Variants in CCDC175 observed in about 807,000 individuals in gnomAD.
CCDC175 encodes the protein coiled-coil domain containing 175.
Under a neutral mutation model 114.6 loss-of-function variants are expected in CCDC175, and 100 were observed. The observed-to-expected ratio is 0.87, with a 90% confidence interval of 0.74 to 1.03. The LOEUF (loss-of-function observed/expected upper bound fraction) is 1.03. CCDC175 is among the 50% of genes least tolerant of loss of function. The probability of loss-of-function intolerance (pLI) is 0.00; values close to 1 mark genes in which losing one functional copy is unlikely to be tolerated. For synonymous variants in CCDC175, 306 were observed against 308.7 expected (o/e 0.99, Z 0.09); for missense variants, 880 against 917.8 (o/e 0.96, Z 0.53).
chr14:59,576,368 C>T (rs74773003), intron 1 of CCDC175, among the ~76,000 whole-genome samples: 2,784 of 152,276 alleles, frequency 0.018, 40 homozygotes, highest in Admixed American at 0.041. Flanking sequence ...CCGGATTTGT[C>T]ACCTCAGTAA....
chr14:59,562,848 T>C lies in CCDC175; in HGVS notation c.843+889A>G, dbSNP rs979699651. Reference sequence around the variant, plus strand: ...CTATAGGCTTAGTGCTTCCTTACTATGTTGAAATTTAAAAACAGATAATAA... The same window carrying C: ...CTATAGGCTTAGTGCTTCCTTACTACGTTGAAATTTAAAAACAGATAATAA... On this transcript the variant is annotated intron_variant, in intron 6 of 19. Transcript: ENST00000537690. 1.1e-4 allele frequency among the ~76,000 whole-genome samples: 17 copies of C among 152,194 alleles called. 1 individual carries two copies. Among genetic ancestry groups the C allele is most frequent in the Non-Finnish European group, 2.5e-4 (17 of 68,030 alleles).
intron 7 of CCDC175, among the ~76,000 whole-genome samples, chr14:59,559,776 C>T (rs1391072301): frequency 6.6e-6 from 1 of 152,074 alleles, no homozygotes; most frequent in Admixed American, 6.6e-5. Flanking sequence ...TCACTTGTAT[C>T]CTCAACCACC....
chr14:59,505,511 C>T (rs1454662429), intron 19 of CCDC175, 196 bp from the exon 20 acceptor site: 11 of 350,440 alleles, frequency 3.1e-5, no homozygotes, highest in Non-Finnish European at 5.6e-5. Flanking sequence ...GCCATTTTTA[C>T]AATCATTTTT....
At chr14:59,542,632 TAGAGA>T (rs1014500864) in intron 10 of CCDC175, among the ~76,000 whole-genome samples, 4 of 152,104 alleles carry the variant, frequency 2.6e-5, no homozygotes, top group Admixed American at 6.6e-5. Flanking sequence ...ACTATGCAGT[TAGAGA>T]AAAGATTGAG....
chr14:59,517,272 C>A (rs1249673892), intron 17 of CCDC175, among the ~76,000 whole-genome samples: 1 of 152,164 alleles, frequency 6.6e-6, no homozygotes, highest in East Asian at 1.9e-4. Flanking sequence ...GACAGGGATG[C>A]CCTCTCTCAC....
At chr14:59,547,407 C>T (rs1118478) in intron 8 of CCDC175, among the ~76,000 whole-genome samples, 78,143 of 151,474 alleles carry the variant, frequency 0.52, 21,343 homozygotes, top group East Asian at 0.82. Flanking sequence ...AGCTGGAACA[C>T]TTTTGAAGAA....
rs200681540 is a variant in CCDC175, at chr14:59,527,123, C to T, written c.1814G>A (p.Arg605Lys). Residue 605 changes from arginine (R) to lysine (K), a missense_variant, in exon 15 of 20, where the codon AGG (arginine) becomes AAG (lysine). Physicochemically the swap from Arg to Lys is conservative, Grantham distance 26 (BLOSUM62 2). Transcript: ENST00000537690. Reference sequence around the variant, plus strand: ...GTTGCTAATGTATCTTGAAAAGTCCCTTGTAAACAGAAAAATGTGATTGTT... The same window carrying T: ...GTTGCTAATGTATCTTGAAAAGTCCTTTGTAAACAGAAAAATGTGATTGTT... The part of the protein sequence containing the change: ...LLNNHIFLFT[R>K]DFSRYISNME... The T allele has an allele frequency of 4.7e-6, 7 of 1,492,216 alleles. No homozygotes were observed. The highest frequency in any genetic ancestry group is 6.2e-6 in the Non-Finnish European group (7 of 1,125,820). The allele number at this position is 1,492,216 out of a possible 1,614,324, so 92.4% of individuals were successfully genotyped here. A position where few individuals can be genotyped will look rare whatever the true frequency, so the allele number is the denominator to read the frequency against.
At chr14:59,537,044 G>C (rs1894444848) in intron 13 of CCDC175, among the ~76,000 whole-genome samples, 1 of 152,200 alleles carries the variant, frequency 6.6e-6, no homozygotes, top group African/African-American at 2.4e-5. Context: ...GCCTCCCAAA[G>C]TGCTGGGATT....
At chr14:59,536,406 A>G (rs1363250035) in intron 13 of CCDC175, among the ~76,000 whole-genome samples, 1 of 151,886 alleles carries the variant, frequency 6.6e-6, no homozygotes. Flanking sequence ...TCTCTATGCC[A>G]TTTATCACCA....
At chr14:59,552,366 G>A (rs1343755803) in intron 7 of CCDC175, among the ~76,000 whole-genome samples, 2 of 152,246 alleles carry the variant, frequency 1.3e-5, no homozygotes, top group Non-Finnish European at 2.9e-5. Flanking sequence ...AGGGTCTGGA[G>A]TGGACCTCCA....
intron 17 of CCDC175, among the ~76,000 whole-genome samples, chr14:59,516,250 T>G (rs200805144): frequency 6.6e-6 from 1 of 151,862 alleles, no homozygotes; most frequent in Non-Finnish European, 1.5e-5. Context: ...ACATCACAAT[T>G]AAAAGAACTA....
intron 13 of CCDC175, among the ~76,000 whole-genome samples, chr14:59,536,764 G>A (rs1473299512): frequency 6.6e-6 from 1 of 151,988 alleles, no homozygotes; most frequent in African/African-American, 2.4e-5. Context: ...ATTCATAGAA[G>A]AATGTTTGAT....
intron 16 of CCDC175, among the ~76,000 whole-genome samples, chr14:59,524,960 T>C (rs1419689940): frequency 1.3e-5 from 2 of 152,178 alleles, no homozygotes; most frequent in Admixed American, 1.3e-4. Flanking sequence ...CTACACTGTA[T>C]TGTTCTATAC....
At chr14:59,525,967 C>G (rs1159601640) in intron 15 of CCDC175, among the ~76,000 whole-genome samples, 3 of 152,072 alleles carry the variant, frequency 2.0e-5, no homozygotes, top group Admixed American at 2.0e-4. Context: ...GGTCCTGGAA[C>G]CAATCCCCCA....
At position 59,563,793 on chromosome 14, in the gene CCDC175, C is replaced by A; in HGVS notation, c.787G>T (p.Asp263Tyr). Residue 263 changes from aspartate (D) to tyrosine (Y), a missense_variant, in exon 6 of 20, where the codon GAT becomes TAT. Coordinates refer to ENST00000537690, the MANE Select transcript of CCDC175 (RefSeq NM_001164399.2). The stretch of plus-strand genomic sequence containing the variant: ...TTTGACATTTTAGTTTGTAATTTAT[C>A]CAATTCTTTCTTCTTTTGATAAGTC... ...METYQKKKEL[D>Y]KLQTKMSKIK... 7.0e-7 allele frequency: 1 copy of A among 1,431,564 alleles called. No individual in the cohort carries two copies. Among genetic ancestry groups the A allele is most frequent in the Non-Finnish European group, 9.2e-7 (1 of 1,090,442 alleles). 88.7% of individuals were successfully genotyped at this position (1,431,564 alleles called of 1,614,324 possible).
intron 13 of CCDC175, among the ~76,000 whole-genome samples, chr14:59,536,255 C>G (rs1378407293): frequency 6.6e-6 from 1 of 152,048 alleles, no homozygotes; most frequent in Non-Finnish European, 1.5e-5. Flanking sequence ...ATGCCCTCTG[C>G]CCGGAGCCAT....
intron 6 of CCDC175, among the ~76,000 whole-genome samples, chr14:59,563,425 C>A (rs754763406): frequency 6.5e-4 from 99 of 152,044 alleles, no homozygotes; most frequent in Non-Finnish European, 9.7e-4. Flanking sequence ...CAAAATGAAG[C>A]AATCTCATGG....
At chr14:59,537,075 C>G (rs1052780409) in intron 13 of CCDC175, among the ~76,000 whole-genome samples, 1 of 152,208 alleles carries the variant, frequency 6.6e-6, no homozygotes, top group Admixed American at 6.5e-5. Context: ...GCCACTGCAC[C>G]TGGCCTGATC....
At chr14:59,524,598 T>G (rs1893632229) in intron 16 of CCDC175, among the ~76,000 whole-genome samples, 1 of 152,194 alleles carries the variant, frequency 6.6e-6, no homozygotes, top group Admixed American at 6.5e-5. Flanking sequence ...GAGCAACTGG[T>G]GCTCTCATGC....
Sources: gnomAD v4.1 joint callset for allele counts (sites outside exome capture counted in the v4.1 genomes callset) on GRCh38, gnomAD v4.1.1 for gene constraint, MANE v1.5 for transcripts, NCBI Gene and HGNC (gene_info 2026-07-23, HGNC 2026-07-21) for gene names.